ZP3: variants seen among roughly 807,000 people sequenced by gnomAD.
ZP3 encodes the protein zona pellucida glycoprotein 3.
ZP3 carries 21 observed loss-of-function variants against 35.6 expected under a neutral mutation model. The ratio of observed to expected loss-of-function variants is 0.59; its 90% CI spans 0.42 to 0.85. The LOEUF is 0.85. ZP3 is among the 40% of genes least tolerant of loss of function. The probability of loss-of-function intolerance (pLI) is 0.00; values close to 1 mark genes in which losing one functional copy is unlikely to be tolerated. For missense variants in ZP3, 437 were observed against 536.5 expected, an observed-to-expected ratio of 0.81 and a Z score of 1.83; for synonymous variants, 207 against 214.5, an observed-to-expected ratio of 0.96 and a Z score of 0.31.
chr7:76,405,491 C>CTT (rs776996787), intron 1 of ZP3, among the ~76,000 whole-genome samples: 74 of 149,734 alleles, frequency 4.9e-4, no homozygotes, highest in Non-Finnish European at 8.6e-4. Flanking sequence ...CAGAACATTT[C>CTT]TTTTTTATGA....
chr7:76,421,495 C>A (rs1805503950), upstream of ZP3, among the ~76,000 whole-genome samples: 1 of 152,050 alleles, frequency 6.6e-6, no homozygotes, highest in Non-Finnish European at 1.5e-5. Flanking sequence ...CTCAAGCAAT[C>A]CTCCCACCTT....
rs531051402 is a variant in ZP3, at chr7:76,407,780, A to T, written c.-67+9983A>T. ...GCATAAACCATGAGCTTAGAGCTCAAAGAGCATTCACACCATGTAACCAGT... is the reference window on the plus strand; with the variant it reads ...GCATAAACCATGAGCTTAGAGCTCATAGAGCATTCACACCATGTAACCAGT... On this transcript the variant is annotated intron_variant, in intron 1 of 8. Transcript: ENST00000336517. 1.8e-4 allele frequency among the ~76,000 whole-genome samples: 28 copies of T among 152,342 alleles called. No homozygotes were observed. In the South Asian group the frequency reaches 5.4e-3, roughly 29 times the overall value.
intron 2 of ZP3, among the ~76,000 whole-genome samples, chr7:76,431,684 G>A (rs901872295): frequency 2.0e-5 from 3 of 152,142 alleles, no homozygotes; most frequent in Admixed American, 6.6e-5. Flanking sequence ...CGGATCATGA[G>A]GTCAGGAGAT....
rs1437408766 is a variant in ZP3, at chr7:76,414,240, G to A, written c.-66-10812G>A. On this transcript the variant is annotated intron_variant, in intron 1 of 8. Transcript: ENST00000336517. The stretch of plus-strand genomic sequence containing the variant: ...TTGAACTCCTGGCCTCAAGCGGTCC[G>A]CCTGCCTTAGCGTCCCAAAGTGCTG... Among the ~76,000 whole-genome samples, 10 of 151,144 alleles carry A rather than the reference G, an allele frequency of 6.6e-5. No individual in the cohort carries two copies. The South Asian group carries it at 8.4e-4, about 13-fold the overall frequency.
intron 1 of ZP3, among the ~76,000 whole-genome samples, chr7:76,427,614 C>A (rs1312211408): frequency 2.0e-5 from 3 of 152,044 alleles, no homozygotes; most frequent in Non-Finnish European, 4.4e-5. Context: ...GCCCTCTTGC[C>A]CTGAAATGGT....
chr7:76,441,686 C>G (rs78087397), intron 7 of ZP3, among the ~76,000 whole-genome samples, 156 bp from the exon 8 acceptor site: 26,056 of 152,158 alleles, frequency 0.17, 2,608 homozygotes, highest in Middle Eastern at 0.27. Flanking sequence ...TCACACCTGG[C>G]CGAGAAAGCT....
In ZP3 at chr7:76,433,559, C is replaced by A. The variant is rs772852039; in HGVS notation, c.625C>A (p.Pro209Thr). ...QAEIHTGSHV[P>T]LRLFVDHCVA... Reference sequence around the variant, plus strand: ...AGAAATCCACACTGGCAGCCACGTGCCACTGCGGTTGTTTGTGGACCACTG... The same window carrying A: ...AGAAATCCACACTGGCAGCCACGTGACACTGCGGTTGTTTGTGGACCACTG... The change falls in exon 4 of 8, where the codon CCA becomes ACA. Residue 209 changes from proline to threonine, a missense_variant. This residue lies in a region of ZP3 where 352 missense variants were observed against 308.4 expected (regional missense o/e 1.14). Coordinates refer to ENST00000394857, the MANE Select transcript of ZP3 (RefSeq NM_001110354.2). 2 of 1,614,216 alleles carry A rather than the reference C, an allele frequency of 1.2e-6. No homozygotes were observed. The highest frequency in any genetic ancestry group is 1.7e-6 in the Non-Finnish European group (2 of 1,180,034).
chr7:76,397,739 T>G, exon 1 of ZP3: 1 of 1,613,276 alleles, frequency 6.2e-7, no homozygotes, highest in Non-Finnish European at 8.5e-7. Flanking sequence ...CCCCCAGTCG[T>G]CGTCACACAC....
intron 1 of ZP3, among the ~76,000 whole-genome samples, chr7:76,401,230 C>T (rs1436775560): frequency 2.0e-5 from 3 of 152,054 alleles, no homozygotes; most frequent in African/African-American, 7.2e-5. Context: ...CCTGCCTCAC[C>T]CCTCTCCTAG....
At chr7:76,433,866 T>A (rs995755950) in intron 4 of ZP3, 172 bp from the exon 5 acceptor site, 29 of 1,100,864 alleles carry the variant, frequency 2.6e-5, no homozygotes, top group African/African-American at 4.7e-5. Flanking sequence ...GCCTGGCTAA[T>A]TTTTGTATTT....
chr7:76,404,292 C>T (rs748845610), intron 1 of ZP3: 4 of 1,567,788 alleles, frequency 2.6e-6, no homozygotes, highest in Non-Finnish European at 3.5e-6. Flanking sequence ...CAAGGGCTAA[C>T]AGGGGAGGAC....
chr7:76,430,478 G>A (rs1805796141), intron 2 of ZP3, among the ~76,000 whole-genome samples: 1 of 152,118 alleles, frequency 6.6e-6, no homozygotes, highest in African/African-American at 2.4e-5. Context: ...GCTCACGCCT[G>A]TAATACCAGC....
chr7:76,418,720 G>T (rs1222655725), intron 1 of ZP3, among the ~76,000 whole-genome samples: 2 of 151,946 alleles, frequency 1.3e-5, no homozygotes, highest in Non-Finnish European at 2.9e-5. Flanking sequence ...GCCGGGCGTG[G>T]TGGCAGGCGC....
chr7:76,421,873 T>C (rs1363506519), upstream of ZP3, among the ~76,000 whole-genome samples: 1 of 151,706 alleles, frequency 6.6e-6, no homozygotes, highest in Non-Finnish European at 1.5e-5. Flanking sequence ...CATCTCCTGA[T>C]AGGACCCTTG....
chr7:76,440,700 T>A, intron 7 of ZP3, 89 bp downstream of exon 7: 2 of 1,532,222 alleles, frequency 1.3e-6, no homozygotes, highest in Non-Finnish European at 1.8e-6. Flanking sequence ...GTATTTTCCC[T>A]TGTCCTCCAT....
intron 2 of ZP3, among the ~76,000 whole-genome samples, chr7:76,431,202 G>A (rs188371851): frequency 1.7e-3 from 260 of 152,312 alleles, no homozygotes; most frequent in Non-Finnish European, 2.6e-3. Flanking sequence ...AGTTGGAGGA[G>A]CTTGGTGCCT....
At chr7:76,423,022 AG>A (rs1563695391), upstream of ZP3, among the ~76,000 whole-genome samples, 42 of 90,604 alleles carry the variant, frequency 4.6e-4, no homozygotes, top group Admixed American at 7.2e-4. Context: ...AGAGAGAGAG[AG>A]AGAGAAAGAA....
upstream of ZP3, chr7:76,424,882 A>C: frequency 7.5e-7 from 1 of 1,338,162 alleles, no homozygotes; most frequent in Non-Finnish European, 9.9e-7. Flanking sequence ...GGCAGCTGAG[A>C]AGCTGAGAGC....
chr7:76,406,504 G>T (rs538087329), intron 1 of ZP3, among the ~76,000 whole-genome samples: 1 of 150,912 alleles, frequency 6.6e-6, no homozygotes, highest in Non-Finnish European at 1.5e-5. Context: ...ATTTTTTACA[G>T]ATAGGGTCTC....
Sources: allele counts gnomAD v4.1 joint callset (sites outside exome capture counted in the v4.1 genomes callset), GRCh38; gene constraint gnomAD v4.1.1; regional missense constraint gnomAD v4.1.1; transcripts MANE v1.5; gene names NCBI Gene and HGNC (gene_info 2026-07-23, HGNC 2026-07-21).